Variants in PPME1 observed in about 807,000 individuals in gnomAD.
PPME1 encodes testicular secretory protein Li 39.
In PPME1, 17 loss-of-function variants were observed where a neutral mutation model predicts 56.9. The ratio of observed to expected loss-of-function variants is 0.30; its 90% CI spans 0.20 to 0.45. PPME1 has a LOEUF of 0.45. Among genes scored for constraint, PPME1 ranks in the 20% least tolerant of loss-of-function variants. The pLI is 1.00. For missense variants in PPME1, 357 were observed against 483.2 expected (o/e 0.74, Z 2.45); for synonymous variants, 122 against 156.2 (o/e 0.78, Z 1.63).
chr11:74,172,622 G>A (rs1404758101), intron 1 of PPME1, among the ~76,000 whole-genome samples: 5 of 152,204 alleles, frequency 3.3e-5, no homozygotes, highest in African/African-American at 1.2e-4. Context: ...TACTTGGGCC[G>A]AGGAGAAAGA....
At chr11:74,171,677 G>C (rs558943547) in intron 1 of PPME1, among the ~76,000 whole-genome samples, 155 bp downstream of exon 1, 1 of 152,278 alleles carries the variant, frequency 6.6e-6, no homozygotes, top group South Asian at 2.1e-4. Context: ...GGCAGATTGG[G>C]GTACTAGGGG....
At chr11:74,177,711 A>G (rs1007925608) in intron 1 of PPME1, among the ~76,000 whole-genome samples, 8 of 152,154 alleles carry the variant, frequency 5.3e-5, no homozygotes, top group African/African-American at 1.9e-4. Flanking sequence ...AAAAATCCTG[A>G]TAGTATTTTT....
At chr11:74,213,103 A>G (rs1591042184) in intron 3 of PPME1, among the ~76,000 whole-genome samples, 2 of 152,284 alleles carry the variant, frequency 1.3e-5, no homozygotes, top group South Asian at 2.1e-4. Context: ...AGAGGGGACC[A>G]CTGCCCTGAA....
intron 1 of PPME1, among the ~76,000 whole-genome samples, chr11:74,179,041 TTGAA>T (rs139192636): frequency 0.034 from 5,176 of 152,294 alleles, 87 homozygotes; most frequent in Middle Eastern, 0.051. Flanking sequence ...ATTTTGAAGA[TTGAA>T]TAAGAGATTA....
chr11:74,171,534 A>C lies in PPME1; in HGVS notation c.101+12A>C, dbSNP rs368916540. On this transcript the variant is annotated intron_variant, in intron 1 of 13. Coordinates refer to ENST00000328257, the MANE Select transcript of PPME1 (RefSeq NM_016147.3). ...AAGATGCGAATGGGGTACGTGACCC[A>C]TACCCCTTCTCCCTATGGGCCAGGC... 1 of 1,607,118 alleles carries C rather than the reference A, an allele frequency of 6.2e-7. No homozygotes were observed.
At chr11:74,198,106 A>G (rs981417791) in intron 1 of PPME1, among the ~76,000 whole-genome samples, 2 of 152,234 alleles carry the variant, frequency 1.3e-5, no homozygotes, top group African/African-American at 4.8e-5. Flanking sequence ...TACCTACCAG[A>G]GTAGATTTTT....
chr11:74,201,618 T>G (rs973296135), intron 1 of PPME1, among the ~76,000 whole-genome samples: 3 of 152,216 alleles, frequency 2.0e-5, no homozygotes, highest in Admixed American at 2.0e-4. Context: ...TGTGTGGCCT[T>G]GGCAAGTTAC....
In PPME1 at chr11:74,171,474, C is replaced by T. The variant is rs748048802; in HGVS notation, c.53C>T (p.Pro18Leu). 6.2e-7 allele frequency: 1 copy of T among 1,613,520 alleles called. No individual in the cohort carries two copies. Among genetic ancestry groups the T allele is most frequent in the Non-Finnish European group, 8.5e-7 (1 of 1,179,802 alleles). Residue 18 changes from proline (P) to leucine (L), a missense_variant, in exon 1 of 14, where the codon CCT (proline) becomes CTT (leucine). Pro to Leu is a moderately conservative substitution (Grantham distance 98). This residue lies in a region of PPME1 where 175 missense variants were observed against 189.4 expected (regional missense o/e 0.92). Transcript: ENST00000328257. The stretch of plus-strand genomic sequence containing the variant: ...CTCGGCCGCCTTCCCTCTCGCCCAC[C>T]TCTACCCGGCAGCGGGGGCAGTCAG... ...MHLGRLPSRP[P>L]LPGSGGSQSG... is the part of the protein sequence containing the mutation.
At chr11:74,223,968 T>C (rs1461377960) in intron 4 of PPME1, among the ~76,000 whole-genome samples, 2 of 152,072 alleles carry the variant, frequency 1.3e-5, no homozygotes, top group Non-Finnish European at 2.9e-5. Flanking sequence ...TTTGTCAATT[T>C]TGTCTTTTGT....
intron 3 of PPME1, chr11:74,205,253 T>C (rs1255937072): frequency 6.6e-6 from 1 of 152,216 alleles, no homozygotes; most frequent in East Asian, 1.9e-4. Context: ...GTAAATAATA[T>C]TTGGCTAATG....
rs559544000 is a variant in PPME1, at chr11:74,250,238, C to T, written c.1010-716C>T. The T allele has an allele frequency of 2.0e-5, 3 of 152,164 alleles. No homozygotes were observed. In the South Asian group the frequency reaches 6.2e-4, roughly 32 times the overall value. The allele number at this position is 152,164 out of a possible 1,614,324, so 9.4% of individuals were successfully genotyped here. ...CTTATGGGGGCTCTGGGTCTCATAT[C>T]CTTTAGTCTCCTTAGGGATCTTCTT... On this transcript the variant is annotated intron_variant, in intron 11 of 13. Coordinates refer to ENST00000328257, the MANE Select transcript of PPME1 (RefSeq NM_016147.3).
At chr11:74,218,132 C>A (rs1201478280) in intron 3 of PPME1, among the ~76,000 whole-genome samples, 3 of 151,670 alleles carry the variant, frequency 2.0e-5, no homozygotes, top group African/African-American at 4.9e-5. Flanking sequence ...ATGCCAACAG[C>A]AAACAATCTG....
chr11:74,253,397 G>C (rs1348225181), intron 13 of PPME1, 95 bp from the exon 14 acceptor site: 1 of 1,301,062 alleles, frequency 7.7e-7, no homozygotes, highest in Non-Finnish European at 1.1e-6. Flanking sequence ...GGGCCTTGGT[G>C]GTCATTAGGG....
chr11:74,200,475 G>C (rs913535305), intron 1 of PPME1, among the ~76,000 whole-genome samples: 1 of 151,970 alleles, frequency 6.6e-6, no homozygotes, highest in Non-Finnish European at 1.5e-5. Flanking sequence ...TCCGCCTTCT[G>C]GGTTCAAGCG....
Position 74,253,794 on chromosome 11 carries a change from G to A in PPME1, c.*284G>A, listed in dbSNP as rs1859766098. 1 of 545,790 alleles carries A rather than the reference G, an allele frequency of 1.8e-6. No individual in the cohort carries two copies. The allele number at this position is 545,790 out of a possible 1,614,324, so 33.8% of individuals were successfully genotyped here. On this transcript the variant is annotated 3_prime_UTR_variant, in exon 14 of 14. Transcript: ENST00000328257. ...GCCTGCTCTCCCTGCGTTGCCTAGG[G>A]TAAAGCCTCCAGATTTGCCATACTG...
chr11:74,184,205 T>G (rs1028166576), intron 1 of PPME1, among the ~76,000 whole-genome samples: 2 of 152,244 alleles, frequency 1.3e-5, no homozygotes, highest in Non-Finnish European at 2.9e-5. Context: ...TTTCATTCCT[T>G]TAATTAAACA....
At chr11:74,200,673 G>A (rs887759791) in intron 1 of PPME1, among the ~76,000 whole-genome samples, 2 of 152,050 alleles carry the variant, frequency 1.3e-5, no homozygotes, top group South Asian at 4.2e-4. Context: ...ATGAGCCACC[G>A]TGCCTGGCCC....
chr11:74,172,215 T>A (rs1857268269), intron 1 of PPME1, among the ~76,000 whole-genome samples: 1 of 151,934 alleles, frequency 6.6e-6, no homozygotes, highest in African/African-American at 2.4e-5. Flanking sequence ...AGTAGGAATG[T>A]GCTGAGAAGC....
At chr11:74,182,087 ATACTTC>A (rs1857554921) in intron 1 of PPME1, among the ~76,000 whole-genome samples, 1 of 152,152 alleles carries the variant, frequency 6.6e-6, no homozygotes, top group Non-Finnish European at 1.5e-5. Flanking sequence ...AGTTAGTTCT[ATACTTC>A]TACTGTCTTG....
Sources: allele counts gnomAD v4.1 joint callset (sites outside exome capture counted in the v4.1 genomes callset), GRCh38; gene constraint gnomAD v4.1.1; regional missense constraint gnomAD v4.1.1; transcripts MANE v1.5; gene names NCBI Gene and HGNC (gene_info 2026-07-23, HGNC 2026-07-21).